CSNK1G3: variants seen among roughly 807,000 people sequenced by gnomAD.
CSNK1G3 encodes casein kinase I isoform gamma-3.
In CSNK1G3, 23 loss-of-function variants were observed where a neutral mutation model predicts 64.3. The ratio of observed to expected loss-of-function variants is 0.36; its 90% confidence interval spans 0.26 to 0.51. The LOEUF is 0.51. Ranked by LOEUF, CSNK1G3 falls within the 20% of genes least tolerant of loss-of-function variation. The probability of loss-of-function intolerance (pLI) is 0.96; values close to 1 mark genes in which losing one functional copy is unlikely to be tolerated. For synonymous variants in CSNK1G3, 158 were observed against 162.2 expected, an observed-to-expected ratio of 0.97 and a Z score of 0.20; for missense variants, 357 against 510.5, an observed-to-expected ratio of 0.70 and a Z score of 2.90.
intron 2 of CSNK1G3, among the ~76,000 whole-genome samples, chr5:123,551,325 G>A (rs1462035199): frequency 2.0e-5 from 3 of 152,042 alleles, no homozygotes; most frequent in African/African-American, 4.8e-5. Flanking sequence ...GTATATGAAG[G>A]CACATCTAAA....
chr5:123,541,592 C>G lies in CSNK1G3; in HGVS notation c.-247-3825C>G, dbSNP rs541039322. ...TACAGGTGTGTGCCACCACTCCCAG[C>G]TTATTATTTTTGTATTTTTATTAGA... On this transcript the variant is annotated intron_variant, in intron 1 of 12. Coordinates refer to ENST00000345990, the Ensembl canonical transcript of CSNK1G3. Among the ~76,000 whole-genome samples the G allele has an allele frequency of 6.0e-3, 905 of 152,072 alleles. 8 individuals are homozygous for G. Among genetic ancestry groups the G allele is most frequent in the Middle Eastern group, 0.014 (4 of 294 alleles).
intron 1 of CSNK1G3, among the ~76,000 whole-genome samples, chr5:123,521,537 A>G (rs1039974461): frequency 2.0e-5 from 3 of 152,188 alleles, no homozygotes; most frequent in Non-Finnish European, 4.4e-5. Flanking sequence ...TGTTTACCTT[A>G]ATACCTACTA....
At chr5:123,570,375 A>G (rs1422180872) in intron 4 of CSNK1G3, among the ~76,000 whole-genome samples, 2 of 146,236 alleles carry the variant, frequency 1.4e-5, no homozygotes, top group Non-Finnish European at 3.0e-5. Flanking sequence ...TCTTTTTGAA[A>G]CAGAGTCTTG....
At chr5:123,542,048 T>A (rs1449198857) in intron 1 of CSNK1G3, among the ~76,000 whole-genome samples, 1 of 152,172 alleles carries the variant, frequency 6.6e-6, no homozygotes, top group East Asian at 1.9e-4. Context: ...AGAATGAATG[T>A]GGAACCACAT....
intron 10 of CSNK1G3, chr5:123,595,094 GAGCTCACCT>G: frequency 1.2e-6 from 2 of 1,613,718 alleles, no homozygotes; most frequent in Middle Eastern, 1.7e-4. Flanking sequence ...CACCATTTGA[GAGCTCACCT>G]TGCAGCAGAC....
chr5:123,578,826 T>C (rs1288921822), intron 6 of CSNK1G3, among the ~76,000 whole-genome samples: 1 of 151,990 alleles, frequency 6.6e-6, no homozygotes. Context: ...TTCTATGATA[T>C]CGTATTCTTT....
At chr5:123,589,188 T>G (rs1791887700) in intron 8 of CSNK1G3, among the ~76,000 whole-genome samples, 1 of 152,180 alleles carries the variant, frequency 6.6e-6, no homozygotes, top group Non-Finnish European at 1.5e-5. Context: ...TATCTCACTT[T>G]AGTATTCCGT....
In CSNK1G3 at chr5:123,515,225, C is replaced by G. The variant is rs1204483671; in HGVS notation, c.-248+2655C>G. On this transcript the variant is annotated intron_variant, in intron 1 of 12. Transcript: ENST00000345990. ...CCTCTGATCCATCCTGTAATCCTCTCCATGCTGGGAGTAGACTTATTCTGG... is the reference window on the plus strand; with the variant it reads ...CCTCTGATCCATCCTGTAATCCTCTGCATGCTGGGAGTAGACTTATTCTGG... Among the ~76,000 whole-genome samples the G allele has an allele frequency of 2.0e-5, 3 of 152,204 alleles. No homozygotes were observed. In the East Asian group the frequency reaches 5.8e-4, roughly 29 times the overall value.
At chr5:123,525,574 C>A (rs1053311538) in intron 1 of CSNK1G3, among the ~76,000 whole-genome samples, 20 of 152,028 alleles carry the variant, frequency 1.3e-4, no homozygotes, top group Non-Finnish European at 2.8e-4. Flanking sequence ...GGATTACAGG[C>A]GTGAGGCACC....
At chr5:123,582,925 G>C (rs1790573923) in intron 6 of CSNK1G3, among the ~76,000 whole-genome samples, 1 of 152,190 alleles carries the variant, frequency 6.6e-6, no homozygotes, top group Admixed American at 6.5e-5. Flanking sequence ...AAGAAATTAT[G>C]AGGGTAAAGA....
intron 4 of CSNK1G3, among the ~76,000 whole-genome samples, chr5:123,565,706 G>C (rs1385318314): frequency 1.3e-5 from 2 of 152,138 alleles, no homozygotes; most frequent in African/African-American, 4.8e-5. Flanking sequence ...CATCTGTTCA[G>C]CTTCTGGTAA....
intron 1 of CSNK1G3, among the ~76,000 whole-genome samples, chr5:123,514,897 T>G (rs1297404912): frequency 6.6e-6 from 1 of 152,108 alleles, no homozygotes; most frequent in Non-Finnish European, 1.5e-5. Flanking sequence ...TGAGTCAGTT[T>G]GAGGCATGAA....
intron 10 of CSNK1G3, among the ~76,000 whole-genome samples, chr5:123,600,229 A>T (rs1794209574): frequency 6.6e-6 from 1 of 152,204 alleles, no homozygotes; most frequent in Admixed American, 6.5e-5. Flanking sequence ...AGTATTTCTA[A>T]TACATTATTA....
intron 6 of CSNK1G3, among the ~76,000 whole-genome samples, chr5:123,576,928 T>C (rs1789275307): frequency 6.6e-6 from 1 of 152,112 alleles, no homozygotes; most frequent in Non-Finnish European, 1.5e-5. Context: ...TATTTGTCAG[T>C]TGATATTCTA....
chr5:123,552,271 G>C (rs1424893842), intron 2 of CSNK1G3, among the ~76,000 whole-genome samples: 1 of 151,718 alleles, frequency 6.6e-6, no homozygotes, highest in East Asian at 1.9e-4. Context: ...TCAGCCTCCT[G>C]AGTAGCTGGG....
chr5:123,612,069 C>G (rs569289479), intron 12 of CSNK1G3, among the ~76,000 whole-genome samples: 1 of 152,318 alleles, frequency 6.6e-6, no homozygotes, highest in African/African-American at 2.4e-5. Flanking sequence ...TCTCTAGGCT[C>G]TTGACTGGGT....
intron 2 of CSNK1G3, among the ~76,000 whole-genome samples, chr5:123,547,230 A>G (rs957600341): frequency 6.6e-6 from 1 of 152,114 alleles, no homozygotes; most frequent in African/African-American, 2.4e-5. Flanking sequence ...TTTTCTTTAT[A>G]TCAGGATTAT....
intron 3 of CSNK1G3, among the ~76,000 whole-genome samples, chr5:123,557,064 GT>G: frequency 6.6e-6 from 1 of 152,058 alleles, no homozygotes; most frequent in East Asian, 1.9e-4. Flanking sequence ...TTAAGACATT[GT>G]TGCTACTATC....
At position 123,605,328 on chromosome 5, in the gene CSNK1G3, T is replaced by C. The variant is rs1208384592; in HGVS notation, c.1194-11T>C. On this transcript the variant is annotated splice_polypyrimidine_tract_variant and intron_variant, in intron 11 of 12. Coordinates refer to ENST00000345990, the Ensembl canonical transcript of CSNK1G3. ...TTTTCCTTGTATTTTTTTTTTTGTG[T>C]GTGCGTATAGCTGCCAGAAAGTGTT... 1.2e-6 allele frequency: 2 copies of C among 1,600,298 alleles called. No homozygotes were observed. The highest frequency in any genetic ancestry group is 1.7e-5 in the Admixed American group (1 of 58,172).
Sources: gnomAD v4.1 joint callset for allele counts (sites outside exome capture counted in the v4.1 genomes callset) on GRCh38, gnomAD v4.1.1 for gene constraint, MANE v1.5 for transcripts, NCBI Gene and HGNC (gene_info 2026-07-23, HGNC 2026-07-21) for gene names.